NDUFB7: variants seen among roughly 807,000 people sequenced by gnomAD.
NDUFB7 encodes the protein NADH dehydrogenase [ubiquinone] 1 beta subcomplex subunit 7.
In NDUFB7, 18 loss-of-function variants were observed where a neutral mutation model predicts 14.7. The ratio of observed to expected loss-of-function variants is 1.22; its 90% CI spans 0.85 to 1.81. The LOEUF is 1.81. Ranked by LOEUF, NDUFB7 falls within the 40% of genes most tolerant of loss-of-function variation. The pLI is 0.00. For synonymous variants in NDUFB7, 86 were observed against 76.1 expected (o/e 1.13, Z -0.68); for missense variants, 219 against 195.0 (o/e 1.12, Z -0.73).
Position 14,572,066 on chromosome 19 carries a change from C to T in NDUFB7, c.-66G>A. On this transcript the variant is annotated 5_prime_UTR_variant, in exon 1 of 3. Transcript: ENST00000215565. ...CCTAGCTCCTACCCGGAACCACTGA[C>T]CCCTCAGTCAGACACAGCTTCCGGG... 1 of 1,237,238 alleles carries T rather than the reference C, an allele frequency of 8.1e-7. No individual in the cohort carries two copies. The highest frequency in any genetic ancestry group is 1.1e-6 in the Non-Finnish European group (1 of 888,490). The allele number at this position is 1,237,238 out of a possible 1,614,324, so 76.6% of individuals were successfully genotyped here. A position where few individuals can be genotyped will look rare whatever the true frequency, so the allele number is the denominator to read the frequency against.
rs2074101670 is a variant in NDUFB7 at position 14,567,745 on chromosome 19, TGAGAC to T, written c.113-817_113-813del. Among the ~76,000 whole-genome samples, 1 of 152,086 alleles carries T rather than the reference TGAGAC, an allele frequency of 6.6e-6. No individual in the cohort carries two copies. The highest frequency in any genetic ancestry group is 2.1e-4 in the South Asian group (1 of 4,824). ...CCCAGCTCCTTCCCATCTGCGCAAG[TGAGAC>T]GAGATATATTCACATCTCAATGGCA... On this transcript the variant is annotated intron_variant, in intron 1 of 2. Coordinates refer to ENST00000215565, the MANE Select transcript of NDUFB7 (RefSeq NM_004146.6). This position sits in a 1 kb window ranked among gnomAD's most constrained non-coding sequence, Gnocchi z 5.1.
rs2074102118 is a variant in NDUFB7 at position 14,567,797 on chromosome 19, T to C, written c.113-864A>G. ...GGCAGTCGTCCCCTGCTGGCTTCTCTCCCCTTTGCTTCCCAGCTGCGATTC... is the reference window on the plus strand; with the variant it reads ...GGCAGTCGTCCCCTGCTGGCTTCTCCCCCCTTTGCTTCCCAGCTGCGATTC... On this transcript the variant is annotated intron_variant, in intron 1 of 2. Transcript: ENST00000215565. This position sits in a 1 kb window ranked among gnomAD's most constrained non-coding sequence, Gnocchi z 5.1. 6.6e-6 allele frequency among the ~76,000 whole-genome samples: 1 copy of C among 152,048 alleles called. No homozygotes were observed. The highest frequency in any genetic ancestry group is 6.6e-5 in the Admixed American group (1 of 15,252).
chr19:14,571,826 G>T (rs947302650), intron 1 of NDUFB7, 63 bp downstream of exon 1: 3 of 1,477,954 alleles, frequency 2.0e-6, no homozygotes, highest in African/African-American at 2.8e-5. Flanking sequence ...CAGCCCTGGG[G>T]TGCCAGGTGT....
intron 2 of NDUFB7, 151 bp downstream of exon 2, chr19:14,566,614 G>C (rs896947220): frequency 8.1e-6 from 6 of 738,736 alleles, no homozygotes; most frequent in Non-Finnish European, 1.3e-5. Context: ...CCAGGCCTGG[G>C]TGGGGTGCAG....
Position 14,566,832 on chromosome 19 carries a change from C to G in NDUFB7, c.214G>C (p.Asp72His), listed in dbSNP as rs1872152007. 3 of 1,555,588 alleles carry G rather than the reference C, an allele frequency of 1.9e-6. No individual in the cohort carries two copies. In the South Asian group the frequency reaches 3.5e-5, roughly 18 times the overall value. Reference sequence around the variant, plus strand: ...CAGGCCAGGAAGTTGGGGAAGCTGTCACGCTTGCACTTGAGCAGCCGGATG... The same window carrying G: ...CAGGCCAGGAAGTTGGGGAAGCTGTGACGCTTGCACTTGAGCAGCCGGATG... ...HLIRLLKCKR[D>H]SFPNFLACKQ... is the part of the protein sequence containing the mutation. Residue 72 changes from aspartate (D) to histidine (H), a missense_variant, in exon 2 of 3, where the codon GAC becomes CAC. Coordinates refer to ENST00000215565, the MANE Select transcript of NDUFB7 (RefSeq NM_004146.6).
In NDUFB7 at chr19:14,566,775, C is replaced by T. The variant is rs545336872; in HGVS notation, c.271G>A (p.Glu91Lys). Residue 91 changes from glutamate to lysine, a missense_variant, in exon 2 of 3, where the codon GAG (glutamate) becomes AAG (lysine). Transcript: ENST00000215565. Reference sequence around the variant, plus strand: ...TGTGGGGGTGCTCACTCGCGGTGCTCGCAGTAGTCCCAGTCGTGCCGCTCC... The same window carrying T: ...TGTGGGGGTGCTCACTCGCGGTGCTTGCAGTAGTCCCAGTCGTGCCGCTCC... ...KQERHDWDYC[E>K]HRDYVMRMKE... The T allele has an allele frequency of 1.2e-5, 19 of 1,544,434 alleles. No individual in the cohort carries two copies. The highest frequency in any genetic ancestry group is 1.6e-5 in the Non-Finnish European group (18 of 1,146,460).
At chr19:14,571,768 C>G (rs1386493538) in intron 1 of NDUFB7, 121 bp downstream of exon 1, 5 of 956,234 alleles carry the variant, frequency 5.2e-6, no homozygotes, top group Non-Finnish European at 7.9e-6. Context: ...CTAGTCTAGA[C>G]CCAAACCCAG....
At position 14,567,698 on chromosome 19, in the gene NDUFB7, C is replaced by A. The variant is rs749093256; in HGVS notation, c.113-765G>T. 6.6e-6 allele frequency among the ~76,000 whole-genome samples: 1 copy of A among 152,162 alleles called. No homozygotes were observed. The highest frequency in any genetic ancestry group is 2.4e-5 in the African/African-American group (1 of 41,444). ...GACCCAGCCTCCCTAGCCCTCCTGA[C>A]GTCCACCACATCTTTCTCGGTCCCA... On this transcript the variant is annotated intron_variant, in intron 1 of 2. Coordinates refer to ENST00000215565, the MANE Select transcript of NDUFB7 (RefSeq NM_004146.6). The surrounding 1 kb of genome is among the most constrained non-coding windows in gnomAD (Gnocchi z 5.1).
chr19:14,570,827 G>T (rs942130879), intron 1 of NDUFB7, among the ~76,000 whole-genome samples: 1 of 152,200 alleles, frequency 6.6e-6, no homozygotes, highest in African/African-American at 2.4e-5. Context: ...CGGTATGCCT[G>T]TGATATTACT....
chr19:14,566,361 G>A (rs2074084903), intron 2 of NDUFB7, 96 bp from the exon 3 acceptor site: 1 of 1,574,856 alleles, frequency 6.3e-7, no homozygotes, highest in Non-Finnish European at 8.6e-7. Context: ...AGCACTGTGG[G>A]GGAGGCCTCT....
At chr19:14,568,473 G>A (rs2074106290) in intron 1 of NDUFB7, among the ~76,000 whole-genome samples, 1 of 152,176 alleles carries the variant, frequency 6.6e-6, no homozygotes, top group Non-Finnish European at 1.5e-5. Flanking sequence ...ATCTGCACTT[G>A]GAGCTCCAGG....
rs752064443 is a variant in NDUFB7, at chr19:14,566,898, G to C, written c.148C>G (p.Gln50Glu). The change falls in exon 2 of 3, where the codon CAG becomes GAG. Residue 50 changes from glutamine to glutamate, a missense_variant. Transcript: ENST00000215565. The stretch of plus-strand genomic sequence containing the variant: ...TAGTCCCGCAGCTGGAGCCTCAGCT[G>C]CGCGTCCATCATCTCCTGCTGTGTG... ...VATQQEMMDA[Q>E]LRLQLRDYCA... is the part of the protein sequence containing the mutation. 6.3e-7 allele frequency: 1 copy of C among 1,584,706 alleles called. No homozygotes were observed.
In NDUFB7 at chr19:14,566,263, T is replaced by C. The variant is rs987690635; in HGVS notation, c.284A>G (p.Tyr95Cys). The C allele has an allele frequency of 3.7e-6, 6 of 1,605,386 alleles. No individual in the cohort carries two copies. Among genetic ancestry groups the C allele is most frequent in the African/African-American group, 1.3e-5 (1 of 74,574 alleles). ...HDWDYCEHRD[Y>C]VMRMKEFERE... ...CTCAAACTCCTTCATGCGCATCACA[T>C]AGCTGGGGGAAAAGCACGAGAGGGG... is the stretch of plus-strand genomic sequence containing the variant. Residue 95 changes from tyrosine to cysteine, a missense_variant and splice_region_variant, in exon 3 of 3, where the codon TAT (tyrosine) becomes TGT (cysteine). By Grantham distance (194) the Tyr-to-Cys change is radical (BLOSUM62 -2). Coordinates refer to ENST00000215565, the MANE Select transcript of NDUFB7 (RefSeq NM_004146.6).
In NDUFB7 at chr19:14,571,941, C is replaced by T. The variant is rs1304540243; in HGVS notation, c.60G>A (p.Leu20=). The change falls in exon 1 of 3, where the codon CTG becomes CTA. Residue 20 remains leucine (L), a synonymous_variant. Transcript: ENST00000215565. ...LGDASVEPDP[L]QMPTFPPDYG... is the part of the protein sequence containing the mutation. ...AGTCTGGCGGGAAGGTTGGCATCTG[C>T]AGGGGGTCGGGCTCCACCGAGGCAT... The T allele has an allele frequency of 2.5e-6, 4 of 1,612,084 alleles. No homozygotes were observed. Among genetic ancestry groups the T allele is most frequent in the Non-Finnish European group, 3.4e-6 (4 of 1,179,458 alleles).
chr19:14,566,140 G>T lies in NDUFB7; in HGVS notation c.407C>A (p.Ala136Asp). The T allele has an allele frequency of 6.2e-7, 1 of 1,610,792 alleles. No individual in the cohort carries two copies. The change falls in exon 3 of 3, where the codon GCC becomes GAC. Residue 136 changes from alanine (A) to aspartate (D), a missense_variant. By Grantham distance (126) the Ala-to-Asp change is moderately radical. Transcript: ENST00000215565. ...QGPGEVDPKV[A>D]L ...GGGTGGGGGGTGCACCCCCTACAGG[G>T]CCACCTTGGGGTCCACTTCCCCGGG...
At position 14,566,196 on chromosome 19, in the gene NDUFB7, C is replaced by G. The variant is rs2074080466; in HGVS notation, c.351G>C (p.Lys117Asn). The change falls in exon 3 of 3, where the codon AAG (lysine) becomes AAC (asparagine). Residue 117 changes from lysine to asparagine, a missense_variant. Transcript: ENST00000215565. ...GGCCTTTGGCCAACTCTGCCGCCTT[C>G]TTCTCCCGCCGCTTCTTCCGCTGGA... ...RLLQRKKRREKKAAELAKGQG... is the reference protein window; with the variant it reads ...RLLQRKKRRENKAAELAKGQG... The G allele has an allele frequency of 1.2e-6, 2 of 1,613,838 alleles. No homozygotes were observed. The highest frequency in any genetic ancestry group is 1.3e-5 in the African/African-American group (1 of 74,942).
intron 1 of NDUFB7, among the ~76,000 whole-genome samples, chr19:14,569,478 C>T (rs539911765): frequency 3.9e-5 from 6 of 152,122 alleles, no homozygotes; most frequent in South Asian, 2.1e-4. Context: ...CTTATCTCCC[C>T]GCCCCCCATT....
intron 2 of NDUFB7, 112 bp downstream of exon 2, chr19:14,566,653 G>C: frequency 1.0e-6 from 1 of 983,774 alleles, no homozygotes. Context: ...GGTGGGAGGG[G>C]GGCTTGGGCG....
chr19:14,571,862 T>C, intron 1 of NDUFB7, 27 bp downstream of exon 1: 1 of 1,590,464 alleles, frequency 6.3e-7, no homozygotes, highest in Non-Finnish European at 8.6e-7. Context: ...CCACGCCCTC[T>C]GGCTGCGCCT....
Sources: allele counts gnomAD v4.1 joint callset (sites outside exome capture counted in the v4.1 genomes callset), GRCh38; gene constraint gnomAD v4.1.1; non-coding constraint Gnocchi (gnomAD v3.1); transcripts MANE v1.5; gene names NCBI Gene and HGNC (gene_info 2026-07-23, HGNC 2026-07-21).